PRICKLE2: variants seen among roughly 807,000 people sequenced by gnomAD.
PRICKLE2 encodes the protein prickle planar cell polarity protein 2.
PRICKLE2 carries 21 observed loss-of-function variants against 81.4 expected under a neutral mutation model. The observed-to-expected ratio is 0.26, with a 90% CI of 0.18 to 0.37. PRICKLE2 has a LOEUF of 0.37. Among genes scored for constraint, PRICKLE2 ranks in the 10% least tolerant of loss-of-function variants. PRICKLE2 has a pLI of 1.00. For missense variants in PRICKLE2, 940 were observed against 1,109.0 expected, an observed-to-expected ratio of 0.85 and a Z score of 2.16; for synonymous variants, 456 against 421.5, an observed-to-expected ratio of 1.08 and a Z score of -1.00.
intron 1 of PRICKLE2, among the ~76,000 whole-genome samples, chr3:64,214,184 CA>C (rs1352621710): frequency 2.0e-5 from 3 of 152,108 alleles, no homozygotes; most frequent in Non-Finnish European, 2.9e-5. Flanking sequence ...TGGCAATGGT[CA>C]CACCCTTCAA....
intron 7 of PRICKLE2, among the ~76,000 whole-genome samples, chr3:64,110,959 CAAA>C (rs550808708): frequency 0.18 from 11,221 of 62,544 alleles, 287 homozygotes; most frequent in Middle Eastern, 0.28. Flanking sequence ...GACTCCATCT[CAAA>C]AAAAAAAAAA....
intron 2 of PRICKLE2, among the ~76,000 whole-genome samples, chr3:64,175,606 A>G (rs1274246573): frequency 6.6e-6 from 1 of 152,304 alleles, no homozygotes; most frequent in Middle Eastern, 3.4e-3. Context: ...CCTTAGATTT[A>G]TAGTTTAGTC....
intron 6 of PRICKLE2, among the ~76,000 whole-genome samples, chr3:64,149,004 T>C (rs780273327): frequency 2.0e-5 from 3 of 152,222 alleles, no homozygotes; most frequent in Non-Finnish European, 1.5e-5. Flanking sequence ...AGACACGGTA[T>C]TGCCAAAGCT....
chr3:64,232,424 T>A (rs1318797777), intron 2 of PRICKLE2, among the ~76,000 whole-genome samples: 1 of 152,252 alleles, frequency 6.6e-6, no homozygotes, highest in Non-Finnish European at 1.5e-5. Context: ...TCTGTTCATT[T>A]GCATTCCAAC....
chr3:64,258,673 A>C (rs913622406), intron 2 of PRICKLE2, among the ~76,000 whole-genome samples: 2 of 151,438 alleles, frequency 1.3e-5, no homozygotes, highest in Non-Finnish European at 2.9e-5. Context: ...AAGAAAAAAA[A>C]AATAGCCAGG....
At chr3:64,202,135 G>C (rs1294125957) in intron 1 of PRICKLE2, among the ~76,000 whole-genome samples, 2 of 152,190 alleles carry the variant, frequency 1.3e-5, no homozygotes, top group Non-Finnish European at 2.9e-5. Flanking sequence ...GATGACTGCA[G>C]TTCTGCGGTA....
At chr3:64,188,978 T>C (rs2078285600) in intron 2 of PRICKLE2, among the ~76,000 whole-genome samples, 2 of 152,352 alleles carry the variant, frequency 1.3e-5, no homozygotes, top group African/African-American at 4.8e-5. Context: ...AGCTATTAAG[T>C]TGTCTGCATC....
intron 2 of PRICKLE2, among the ~76,000 whole-genome samples, chr3:64,262,673 G>C (rs1225304981): frequency 6.6e-6 from 1 of 151,968 alleles, no homozygotes. Context: ...GAAATTGGGA[G>C]GTAGGAGGAA....
At chr3:64,186,898 G>T (rs778167489) in intron 2 of PRICKLE2, among the ~76,000 whole-genome samples, 1 of 152,122 alleles carries the variant, frequency 6.6e-6, no homozygotes, top group Non-Finnish European at 1.5e-5. Flanking sequence ...AGTGTAGACT[G>T]CCCAGTCAGC....
intron 2 of PRICKLE2, among the ~76,000 whole-genome samples, chr3:64,234,470 G>A (rs964669195): frequency 2.6e-5 from 4 of 152,068 alleles, no homozygotes; most frequent in Non-Finnish European, 5.9e-5. Context: ...TTGGAGAAAC[G>A]TATATTCAAA....
chr3:64,257,231 G>A (rs1342286754), intron 2 of PRICKLE2, among the ~76,000 whole-genome samples: 5 of 152,134 alleles, frequency 3.3e-5, no homozygotes, highest in African/African-American at 4.8e-5. Flanking sequence ...CAACCTTTTT[G>A]GGCAATGTTG....
chr3:64,143,051 C>G (rs1253377819), intron 7 of PRICKLE2, among the ~76,000 whole-genome samples: 1 of 152,168 alleles, frequency 6.6e-6, no homozygotes, highest in Non-Finnish European at 1.5e-5. Context: ...GTAAGAACTT[C>G]AGAGACTAAT....
At chr3:64,135,759 T>G (rs1205737867) in intron 7 of PRICKLE2, among the ~76,000 whole-genome samples, 2 of 152,080 alleles carry the variant, frequency 1.3e-5, no homozygotes. Context: ...CAGAGCTATC[T>G]GGGTGCTCAA....
intron 7 of PRICKLE2, among the ~76,000 whole-genome samples, chr3:64,125,319 A>C (rs1177425913): frequency 6.6e-6 from 1 of 152,252 alleles, no homozygotes; most frequent in Non-Finnish European, 1.5e-5. Flanking sequence ...CAAAAGATGT[A>C]GAATATTACA....
At chr3:64,184,532 G>A (rs1329245724) in intron 2 of PRICKLE2, among the ~76,000 whole-genome samples, 1 of 151,972 alleles carries the variant, frequency 6.6e-6, no homozygotes, top group Non-Finnish European at 1.5e-5. Context: ...GTAATGCAAT[G>A]GTGCTATTAT....
intron 7 of PRICKLE2, among the ~76,000 whole-genome samples, chr3:64,136,274 T>A (rs537901120): frequency 6.6e-6 from 1 of 151,690 alleles, no homozygotes; most frequent in African/African-American, 2.4e-5. Flanking sequence ...AGCTCATGAG[T>A]ATGGTACCTC....
intron 1 of PRICKLE2, among the ~76,000 whole-genome samples, chr3:64,216,878 C>A (rs1188991798): frequency 2.6e-5 from 4 of 152,200 alleles, no homozygotes; most frequent in African/African-American, 9.7e-5. Context: ...CCACAGGATG[C>A]AAGGGTGGGG....
At chr3:64,165,596 C>G (rs141339762) in intron 2 of PRICKLE2, among the ~76,000 whole-genome samples, 219 of 152,244 alleles carry the variant, frequency 1.4e-3, no homozygotes, top group African/African-American at 5.1e-3. Flanking sequence ...CTCACTGTAG[C>G]CTTGACCTCC....
intron 2 of PRICKLE2, among the ~76,000 whole-genome samples, chr3:64,250,262 G>C (rs1023006762): frequency 2.0e-5 from 3 of 152,114 alleles, no homozygotes; most frequent in African/African-American, 7.2e-5. Context: ...TTGTTGGAGG[G>C]GGCTGTCTTG....
Sources: gnomAD v4.1 joint callset for allele counts (sites outside exome capture counted in the v4.1 genomes callset) on GRCh38, gnomAD v4.1.1 for gene constraint, MANE v1.5 for transcripts, NCBI Gene and HGNC (gene_info 2026-07-23, HGNC 2026-07-21) for gene names.